SPOCK1: variants seen among roughly 807,000 people sequenced by gnomAD.
The protein encoded by SPOCK1 is SPARC (osteonectin), cwcv and kazal like domains proteoglycan 1.
Under a neutral mutation model 55.3 loss-of-function variants are expected in SPOCK1, and 23 were observed. The observed-to-expected ratio is 0.42, with a 90% CI of 0.30 to 0.59. The LOEUF is 0.59. Ranked by LOEUF, SPOCK1 falls within the 20% of genes least tolerant of loss-of-function variation. SPOCK1 has a pLI of 0.22. For missense variants in SPOCK1, 499 were observed against 552.5 expected, an observed-to-expected ratio of 0.90 and a Z score of 0.97; for synonymous variants, 226 against 221.0, an observed-to-expected ratio of 1.02 and a Z score of -0.20.
chr5:137,358,875 G>T (rs1283621090), intron 2 of SPOCK1, among the ~76,000 whole-genome samples: 1 of 152,168 alleles, frequency 6.6e-6, no homozygotes, highest in Non-Finnish European at 1.5e-5. Flanking sequence ...ACATGATCAA[G>T]TCAAGACTCT....
At chr5:137,106,707 C>T (rs975835981) in intron 5 of SPOCK1, among the ~76,000 whole-genome samples, 7 of 152,114 alleles carry the variant, frequency 4.6e-5, no homozygotes, top group Non-Finnish European at 1.5e-5. Context: ...CCAATCCTGC[C>T]CCAACCATGC....
chr5:137,216,125 AGGGAAAGG>A (rs1459425265), intron 3 of SPOCK1, among the ~76,000 whole-genome samples: 8 of 152,184 alleles, frequency 5.3e-5, no homozygotes, highest in Non-Finnish European at 4.4e-5. Flanking sequence ...ATGGCATGGC[AGGGAAAGG>A]GGGCACTGAG....
At chr5:137,226,267 C>G (rs946583851) in intron 3 of SPOCK1, among the ~76,000 whole-genome samples, 1 of 152,198 alleles carries the variant, frequency 6.6e-6, no homozygotes, top group African/African-American at 2.4e-5. Context: ...CGATGGCAGA[C>G]ATTTCCAGTA....
At chr5:137,075,661 G>C (rs1417458745) in intron 5 of SPOCK1, among the ~76,000 whole-genome samples, 5 of 152,196 alleles carry the variant, frequency 3.3e-5, no homozygotes, top group African/African-American at 1.2e-4. Flanking sequence ...AGGCAAGGCT[G>C]AATAGTTTCT....
intron 6 of SPOCK1, among the ~76,000 whole-genome samples, chr5:137,004,847 C>A (rs963412466): frequency 6.6e-6 from 1 of 152,128 alleles, no homozygotes; most frequent in African/African-American, 2.4e-5. Flanking sequence ...TTCCTACAGG[C>A]AAAGAGCTCC....
At chr5:137,010,300 A>G (rs994326361) in intron 6 of SPOCK1, among the ~76,000 whole-genome samples, 12 of 152,086 alleles carry the variant, frequency 7.9e-5, no homozygotes, top group African/African-American at 2.9e-4. Flanking sequence ...CAATTACCAT[A>G]ACAGCACCAA....
chr5:136,985,017 A>G lies in SPOCK1; in HGVS notation c.991+123T>C. 3 of 1,037,840 alleles carry G rather than the reference A, an allele frequency of 2.9e-6. 1 individual carries two copies. In the South Asian group the frequency reaches 4.0e-5, roughly 14 times the overall value. The allele number at this position is 1,037,840 out of a possible 1,614,324, so 64.3% of individuals were successfully genotyped here. The stretch of plus-strand genomic sequence containing the variant: ...CCTGGAAGAGCTCTGCCTGGGGTTA[A>G]AACAAGGCATTTCTTTCATGAAACA... On this transcript the variant is annotated intron_variant, in intron 9 of 10. Coordinates refer to ENST00000394945, the MANE Select transcript of SPOCK1 (RefSeq NM_004598.4).
chr5:137,112,084 C>G (rs1028382162), intron 5 of SPOCK1, among the ~76,000 whole-genome samples: 4 of 152,160 alleles, frequency 2.6e-5, no homozygotes, highest in Admixed American at 1.3e-4. Context: ...CACGACCCCC[C>G]CTTACTGGTT....
At chr5:137,136,966 C>A (rs1285106810) in intron 4 of SPOCK1, among the ~76,000 whole-genome samples, 1 of 152,210 alleles carries the variant, frequency 6.6e-6, no homozygotes, top group Admixed American at 6.5e-5. Flanking sequence ...CAGGGGAGGG[C>A]TGGCTGCCTT....
At chr5:137,027,242 TA>T (rs773091738) in intron 6 of SPOCK1, among the ~76,000 whole-genome samples, 22 of 152,166 alleles carry the variant, frequency 1.4e-4, no homozygotes, top group Non-Finnish European at 3.1e-4. Flanking sequence ...GATTTTTTGT[TA>T]GGGGGAAGGA....
chr5:137,062,167 A>G (rs1343561211), intron 6 of SPOCK1, among the ~76,000 whole-genome samples: 1 of 152,078 alleles, frequency 6.6e-6, no homozygotes, highest in African/African-American at 2.4e-5. Context: ...GGCCCCACCC[A>G]TTTGGCCTTC....
chr5:137,369,398 G>A (rs2127169929), intron 2 of SPOCK1, among the ~76,000 whole-genome samples: 1 of 152,154 alleles, frequency 6.6e-6, no homozygotes. Flanking sequence ...GCTTTGCAAG[G>A]GACCCAAAAA....
intron 2 of SPOCK1, among the ~76,000 whole-genome samples, chr5:137,322,542 AAAAC>A (rs1757998777): frequency 6.6e-6 from 1 of 152,238 alleles, no homozygotes; most frequent in Admixed American, 6.5e-5. Flanking sequence ...TGACAATAAC[AAAAC>A]AGAGGGGAGA....
At chr5:137,390,817 C>A (rs1316483028) in intron 2 of SPOCK1, among the ~76,000 whole-genome samples, 2 of 152,166 alleles carry the variant, frequency 1.3e-5, no homozygotes, top group South Asian at 4.1e-4. Context: ...GAACCAAGGC[C>A]TGCAGTTAGG....
chr5:137,172,053 G>T (rs925079377), intron 3 of SPOCK1, among the ~76,000 whole-genome samples: 12 of 152,148 alleles, frequency 7.9e-5, no homozygotes, highest in African/African-American at 2.9e-4. Flanking sequence ...GAGTGAAATA[G>T]CTTTCTCAAG....
intron 4 of SPOCK1, among the ~76,000 whole-genome samples, chr5:137,123,285 C>T (rs1427354222): frequency 1.3e-5 from 2 of 152,180 alleles, no homozygotes; most frequent in Non-Finnish European, 2.9e-5. Context: ...GTCAAGAACT[C>T]TGGCTAGCTC....
chr5:137,400,193 G>A lies in SPOCK1; in HGVS notation c.186+98180C>T, dbSNP rs546120698. On this transcript the variant is annotated intron_variant, in intron 2 of 10. Coordinates refer to ENST00000394945, the MANE Select transcript of SPOCK1 (RefSeq NM_004598.4). ...GATCACTGTAGCTTCTGGCCAGCTC[G>A]AGTGATCACCAGACCATAGTGTGGA... 5.3e-5 allele frequency among the ~76,000 whole-genome samples: 8 copies of A among 152,130 alleles called. No homozygotes were observed. The South Asian group carries it at 6.2e-4, about 12-fold the overall frequency.
intron 2 of SPOCK1, among the ~76,000 whole-genome samples, chr5:137,292,637 A>G (rs1329585000): frequency 1.3e-5 from 2 of 152,068 alleles, no homozygotes; most frequent in Non-Finnish European, 2.9e-5. Context: ...ATGAATCTCT[A>G]CAGCGTAATG....
At chr5:137,375,261 G>A (rs1751287982) in intron 2 of SPOCK1, among the ~76,000 whole-genome samples, 2 of 151,980 alleles carry the variant, frequency 1.3e-5, no homozygotes, top group African/African-American at 2.4e-5. Flanking sequence ...GACAAACAAC[G>A]ACTTCTAGAC....
Sources: gnomAD v4.1 joint callset for allele counts (sites outside exome capture counted in the v4.1 genomes callset) on GRCh38, gnomAD v4.1.1 for gene constraint, MANE v1.5 for transcripts, NCBI Gene and HGNC (gene_info 2026-07-23, HGNC 2026-07-21) for gene names.